SV2B: variants seen among roughly 807,000 people sequenced by gnomAD.
SV2B encodes synaptic vesicle glycoprotein 2B.
A neutral mutation model predicts 73.9 loss-of-function variants in SV2B; 41 were observed. The ratio of observed to expected loss-of-function variants is 0.56; its 90% CI spans 0.43 to 0.72. The LOEUF is 0.72. SV2B is among the 30% of genes least tolerant of loss of function. SV2B has a pLI of 0.00. For missense variants in SV2B, 764 were observed against 857.8 expected (o/e 0.89, Z 1.37); for synonymous variants, 314 against 314.2 (o/e 1.00, Z 0.01).
At chr15:91,127,755 G>A (rs1209163031) in intron 1 of SV2B, among the ~76,000 whole-genome samples, 1 of 152,084 alleles carries the variant, frequency 6.6e-6, no homozygotes, top group Non-Finnish European at 1.5e-5. Flanking sequence ...GTTCTGCTGA[G>A]CTTCAGCATG....
rs149958046 is a variant in SV2B, at chr15:91,242,256, T to C, written c.452-9563T>C. 1.3e-5 allele frequency among the ~76,000 whole-genome samples: 2 copies of C among 152,370 alleles called. No homozygotes were observed. Among genetic ancestry groups the C allele is most frequent in the African/African-American group, 4.8e-5 (2 of 41,598 alleles). ...TTCCTGGCCTTTAAATGTTGGAATG[T>C]CTCAGTGCTCAGTCCTTGAATCTCT... On this transcript the variant is annotated intron_variant, in intron 2 of 12. Coordinates refer to ENST00000394232, the MANE Select transcript of SV2B (RefSeq NM_001323032.3). This position sits in a 1 kb window ranked among gnomAD's most constrained non-coding sequence, Gnocchi z 4.9.
chr15:91,110,700 G>A lies in SV2B; in HGVS notation c.-392+10337G>A, dbSNP rs1378207797. On this transcript the variant is annotated intron_variant, in intron 1 of 12. Coordinates refer to ENST00000394232, the MANE Select transcript of SV2B (RefSeq NM_001323032.3). The surrounding 1 kb of genome is among the most constrained non-coding windows in gnomAD (Gnocchi z 5.4). The stretch of plus-strand genomic sequence containing the variant: ...TGGGCCTGGGAGATGGGGCTGGAAA[G>A]GTCATGGGAATGTCGGGAGCCTCTG... Among the ~76,000 whole-genome samples the A allele has an allele frequency of 1.3e-5, 2 of 152,178 alleles. No individual in the cohort carries two copies. The highest frequency in any genetic ancestry group is 4.8e-5 in the African/African-American group (2 of 41,438).
chr15:91,144,062 T>C (rs2043075914), intron 1 of SV2B, among the ~76,000 whole-genome samples: 1 of 152,248 alleles, frequency 6.6e-6, no homozygotes, highest in South Asian at 2.1e-4. Context: ...TTAAAATCTT[T>C]GGGTTATACA....
chr15:91,277,977 AAG>A (rs2048548444), intron 9 of SV2B, among the ~76,000 whole-genome samples: 1 of 152,212 alleles, frequency 6.6e-6, no homozygotes, highest in Non-Finnish European at 1.5e-5. Context: ...TAAGAAAAGA[AAG>A]AGAGGGGAAG....
At position 91,105,422 on chromosome 15, in the gene SV2B, C is replaced by T. The variant is rs191366445; in HGVS notation, c.-392+5059C>T. ...AACAGGTGCAAAGGCCCCGAGGCAA[C>T]AGATAACTGGCATGTTCCAGGAACA... On this transcript the variant is annotated intron_variant, in intron 1 of 12. Coordinates refer to ENST00000394232, the MANE Select transcript of SV2B (RefSeq NM_001323032.3). This position sits in a 1 kb window ranked among gnomAD's most constrained non-coding sequence, Gnocchi z 5.5. Among the ~76,000 whole-genome samples the T allele has an allele frequency of 1.3e-5, 2 of 152,116 alleles. No individual in the cohort carries two copies. The highest frequency in any genetic ancestry group is 1.3e-4 in the Admixed American group (2 of 15,282).
intron 1 of SV2B, among the ~76,000 whole-genome samples, chr15:91,113,105 A>T (rs1313944364): frequency 1.3e-5 from 2 of 152,250 alleles, no homozygotes; most frequent in East Asian, 3.9e-4. Flanking sequence ...AAGCAGTGGG[A>T]TTACAGCATG....
intron 1 of SV2B, among the ~76,000 whole-genome samples, chr15:91,125,345 G>C (rs1185569414): frequency 6.6e-6 from 1 of 152,032 alleles, no homozygotes; most frequent in Non-Finnish European, 1.5e-5. Flanking sequence ...TTCTGTGCCG[G>C]GTACTGCACT....
Position 91,239,515 on chromosome 15 carries a change from A to G in SV2B, c.452-12304A>G, listed in dbSNP as rs1429001515. ...TCTGACTTGAAGAAACTGAGCCCCA[A>G]GGAGAAAGTGACTTGGTCAAGGTCA... On this transcript the variant is annotated intron_variant, in intron 2 of 12. Transcript: ENST00000394232. The surrounding 1 kb of genome is among the most constrained non-coding windows in gnomAD (Gnocchi z 5.1). Among the ~76,000 whole-genome samples the G allele has an allele frequency of 2.0e-5, 3 of 152,084 alleles. 1 individual carries two copies. In the South Asian group the frequency reaches 6.2e-4, roughly 32 times the overall value.
chr15:91,137,617 TTTCATATATAC>T lies in SV2B; in HGVS notation c.-392+37255_-392+37265del, dbSNP rs1227108836. 8.1e-6 allele frequency among the ~76,000 whole-genome samples: 1 copy of T among 122,762 alleles called. No individual in the cohort carries two copies. The allele number at this position is 122,762 out of a possible 152,430, so 80.5% of individuals were successfully genotyped here. On this transcript the variant is annotated intron_variant, in intron 1 of 12. Coordinates refer to ENST00000394232, the MANE Select transcript of SV2B (RefSeq NM_001323032.3). The surrounding 1 kb of genome is among the most constrained non-coding windows in gnomAD (Gnocchi z 4.9). ...TATATATATATATTTCATATATATA[TTTCATATATAC>T]ATATATTTCATATATACATATATAT... is the stretch of plus-strand genomic sequence containing the variant.
At position 91,268,761 on chromosome 15, in the gene SV2B, C is replaced by G. The variant is rs2048195242; in HGVS notation, c.1373+156C>G. On this transcript the variant is annotated intron_variant, in intron 9 of 12. Transcript: ENST00000394232. The surrounding 1 kb of genome is among the most constrained non-coding windows in gnomAD (Gnocchi z 4.4). ...CAACCTGTCATGGCTGCCAGTGACG[C>G]CATAGCTCCCCTAGTGGCTGTGTCT... Among the ~76,000 whole-genome samples, 1 of 152,196 alleles carries G rather than the reference C, an allele frequency of 6.6e-6. No homozygotes were observed. Among genetic ancestry groups the G allele is most frequent in the African/African-American group, 2.4e-5 (1 of 41,440 alleles).
At chr15:91,291,828 C>T (rs2049050978) in intron 12 of SV2B, among the ~76,000 whole-genome samples, 1 of 152,180 alleles carries the variant, frequency 6.6e-6, no homozygotes, top group South Asian at 2.1e-4. Flanking sequence ...CTTACGGAAG[C>T]TTCTTGGGAA....
rs1248460331 is a variant in SV2B, at chr15:91,236,776, G to A, written c.451+10062G>A. 2.6e-5 allele frequency among the ~76,000 whole-genome samples: 4 copies of A among 152,180 alleles called. No homozygotes were observed. The highest frequency in any genetic ancestry group is 6.5e-5 in the Admixed American group (1 of 15,278). Reference sequence around the variant, plus strand: ...CCTATTCCACTTGACATTACCTGGGGCAGCTGGAAGGTGGGGGCTGGAATC... The same window carrying A: ...CCTATTCCACTTGACATTACCTGGGACAGCTGGAAGGTGGGGGCTGGAATC... On this transcript the variant is annotated intron_variant, in intron 2 of 12. Transcript: ENST00000394232. This position sits in a 1 kb window ranked among gnomAD's most constrained non-coding sequence, Gnocchi z 4.1.
In SV2B at chr15:91,267,756, G is replaced by C. The variant is rs912775174; in HGVS notation, c.1208+113G>C. On this transcript the variant is annotated intron_variant, in intron 8 of 12. Coordinates refer to ENST00000394232, the MANE Select transcript of SV2B (RefSeq NM_001323032.3). This position sits in a 1 kb window ranked among gnomAD's most constrained non-coding sequence, Gnocchi z 4.3. ...GAATTTGTATCAGGTAGGATGCTTT[G>C]GTGGCAAGTAGCAGAAAACCAACTC... The C allele has an allele frequency of 4.4e-6, 4 of 912,908 alleles. No individual in the cohort carries two copies. The highest frequency in any genetic ancestry group is 2.1e-5 in the Admixed American group (1 of 48,034). The allele number at this position is 912,908 out of a possible 1,614,324, so 56.6% of individuals were successfully genotyped here. A position where few individuals can be genotyped will look rare whatever the true frequency, so the allele number is the denominator to read the frequency against.
chr15:91,249,068 TCACACACACACACACACACACACACA>T (rs59552488), intron 2 of SV2B, among the ~76,000 whole-genome samples: 1 of 142,012 alleles, frequency 7.0e-6, no homozygotes, highest in South Asian at 2.3e-4. Context: ...ATCTACGTTT[TCACACACACACACACACACACACACA>T]CACACACACA....
At position 91,292,499 on chromosome 15, in the gene SV2B, G is replaced by A. The variant is rs202174970; in HGVS notation, c.1999G>A (p.Gly667Ser). Residue 667 changes from glycine (G) to serine (S), a missense_variant, in exon 13 of 13, where the codon GGT becomes AGT. Coordinates refer to ENST00000394232, the MANE Select transcript of SV2B (RefSeq NM_001323032.3). Reference sequence around the variant, plus strand: ...TCTGGCTGCTGCTTCTCTGGTTGGGGGTGGCCTGATTGCCCTTCGACTGCC... The same window carrying A: ...TCTGGCTGCTGCTTCTCTGGTTGGGAGTGGCCTGATTGCCCTTCGACTGCC... ...ILLAAASLVG[G>S]GLIALRLPET... The A allele has an allele frequency of 2.8e-4, 444 of 1,614,128 alleles. 3 individuals carry two copies. The East Asian group carries it at 8.5e-3, about 31-fold the overall frequency.
At chr15:91,176,815 C>T (rs1275467730) in intron 1 of SV2B, among the ~76,000 whole-genome samples, 3 of 151,526 alleles carry the variant, frequency 2.0e-5, no homozygotes, top group South Asian at 2.1e-4. Context: ...GAGTAGGTTG[C>T]GAAAATTTTC....
In SV2B at chr15:91,236,170, A is replaced by G. The variant is rs986211884; in HGVS notation, c.451+9456A>G. ...TGCCTGCAGAATATCTCCCTTGGCA[A>G]TGTCACCTTCAAAGACTTTAATGAG... On this transcript the variant is annotated intron_variant, in intron 2 of 12. Transcript: ENST00000394232. This position sits in a 1 kb window ranked among gnomAD's most constrained non-coding sequence, Gnocchi z 4.1. 5.9e-5 allele frequency among the ~76,000 whole-genome samples: 9 copies of G among 152,194 alleles called. No individual in the cohort carries two copies. Among genetic ancestry groups the G allele is most frequent in the Non-Finnish European group, 1.3e-4 (9 of 68,034 alleles).
At chr15:91,260,003 C>T (rs989297812) in intron 5 of SV2B, among the ~76,000 whole-genome samples, 2 of 152,102 alleles carry the variant, frequency 1.3e-5, no homozygotes, top group African/African-American at 2.4e-5. Flanking sequence ...TCATCAGTGA[C>T]GAACGTGCTT....
At chr15:91,125,799 A>AAAAAAAAAAAAAAAAAAG in intron 1 of SV2B, among the ~76,000 whole-genome samples, 5 of 150,868 alleles carry the variant, frequency 3.3e-5, no homozygotes. Flanking sequence ...AAAAAAAAAA[A>AAAAAAAAAAAAAAAAAAG]ATTCAGTCAT....
Sources: allele counts gnomAD v4.1 joint callset (sites outside exome capture counted in the v4.1 genomes callset), GRCh38; gene constraint gnomAD v4.1.1; non-coding constraint Gnocchi (gnomAD v3.1); transcripts MANE v1.5; gene names NCBI Gene and HGNC (gene_info 2026-07-23, HGNC 2026-07-21).